COA8: variants seen among roughly 807,000 people sequenced by gnomAD.
The protein encoded by COA8 is UPF0671 protein C14orf153.
In COA8, 20 loss-of-function variants were observed where a neutral mutation model predicts 22.0. The observed-to-expected ratio is 0.91, with a 90% CI of 0.64 to 1.32. The LOEUF (loss-of-function observed/expected upper bound fraction) is 1.32. COA8 is among the 40% of genes most tolerant of loss of function. The probability of loss-of-function intolerance (pLI) is 0.00; values close to 1 mark genes in which losing one functional copy is unlikely to be tolerated. For synonymous variants in COA8, 105 were observed against 79.9 expected (o/e 1.31, Z -1.68); for missense variants, 266 against 230.0 (o/e 1.16, Z -1.01).
intron 3 of COA8, among the ~76,000 whole-genome samples, chr14:103,575,151 C>T (rs534708274): frequency 1.1e-4 from 17 of 152,358 alleles, no homozygotes; most frequent in African/African-American, 3.8e-4. Flanking sequence ...TGTGTGCGTA[C>T]GTGCACGTGT....
chr14:103,568,770 C>G (rs2076157415), intron 1 of COA8, among the ~76,000 whole-genome samples: 1 of 151,888 alleles, frequency 6.6e-6, no homozygotes, highest in South Asian at 2.1e-4. Context: ...GCTGGGATTA[C>G]AGGTGCACAC....
chr14:103,584,275 T>G (rs2076289534), intron 3 of COA8, among the ~76,000 whole-genome samples: 1 of 152,178 alleles, frequency 6.6e-6, no homozygotes, highest in Non-Finnish European at 1.5e-5. Context: ...GGAGGTCTCA[T>G]GAGGTAGGCA....
At chr14:103,582,710 A>C (rs939912628) in intron 3 of COA8, among the ~76,000 whole-genome samples, 1 of 146,870 alleles carries the variant, frequency 6.8e-6, no homozygotes, top group African/African-American at 2.6e-5. Context: ...TTTAGATACG[A>C]TTCACATACC....
intron 1 of COA8, chr14:103,563,487 C>G (rs2076109180): frequency 5.1e-6 from 2 of 392,412 alleles, no homozygotes; most frequent in Non-Finnish European, 9.7e-6. Flanking sequence ...TGTGTTTTGG[C>G]TTTGTTACAA....
At chr14:103,568,072 C>T (rs1025266583) in intron 1 of COA8, among the ~76,000 whole-genome samples, 3 of 152,172 alleles carry the variant, frequency 2.0e-5, no homozygotes, top group African/African-American at 7.2e-5. Flanking sequence ...GACTCCTTCT[C>T]AGATGGGAAC....
At chr14:103,564,102 G>C (rs2076115471) in intron 1 of COA8, among the ~76,000 whole-genome samples, 1 of 151,792 alleles carries the variant, frequency 6.6e-6, no homozygotes, top group East Asian at 1.9e-4. Context: ...GCTGTGAGTC[G>C]AGATCGCGCC....
At chr14:103,565,790 A>AT (rs2142273815) in intron 1 of COA8, among the ~76,000 whole-genome samples, 1 of 151,416 alleles carries the variant, frequency 6.6e-6, no homozygotes. Context: ...TAATTTTTGT[A>AT]TTTTTTGTAG....
intron 1 of COA8, among the ~76,000 whole-genome samples, chr14:103,568,163 C>T (rs1268594954): frequency 1.3e-5 from 2 of 152,114 alleles, no homozygotes; most frequent in East Asian, 3.8e-4. Flanking sequence ...TTCATTATTC[C>T]CTGGTGGTTT....
At chr14:103,567,098 C>T (rs962500781) in intron 1 of COA8, among the ~76,000 whole-genome samples, 2 of 151,994 alleles carry the variant, frequency 1.3e-5, no homozygotes, top group Non-Finnish European at 2.9e-5. Flanking sequence ...TTTGGCAGGG[C>T]GCGGTGGCTC....
chr14:103,584,151 G>A lies in COA8; in HGVS notation c.386-3123G>A, dbSNP rs1328859173. ...TCCTGGGCTCAAGCAACCCTCCCTC[G>A]GCCCCACAAAGCACTGGGATAACAG... On this transcript the variant is annotated intron_variant, in intron 3 of 4. Transcript: ENST00000409074. Among the ~76,000 whole-genome samples, 3 of 152,024 alleles carry A rather than the reference G, an allele frequency of 2.0e-5. No homozygotes were observed. In the East Asian group the frequency reaches 5.8e-4, roughly 29 times the overall value.
At chr14:103,579,591 C>T (rs1474465389) in intron 3 of COA8, 3 of 151,944 alleles carry the variant, frequency 2.0e-5, no homozygotes, top group African/African-American at 7.3e-5. Context: ...TCAGATGATC[C>T]ACCCACCTCG....
At position 103,571,825 on chromosome 14, in the gene COA8, G is replaced by T. The variant is rs765796396; in HGVS notation, c.321+5G>T. The T allele has an allele frequency of 6.2e-7, 1 of 1,612,922 alleles. No individual in the cohort carries two copies. Among genetic ancestry groups the T allele is most frequent in the Non-Finnish European group, 8.5e-7 (1 of 1,179,612 alleles). ...CAGAATTTGACTTTTAGTAAGGTAA[G>T]TTTAAGTTTTAGATCAGAACGGAAG... On this transcript the variant is annotated splice_donor_5th_base_variant and intron_variant, in intron 2 of 4. Transcript: ENST00000409074.
chr14:103,577,605 T>C (rs1235064320), intron 3 of COA8, among the ~76,000 whole-genome samples: 2 of 152,050 alleles, frequency 1.3e-5, no homozygotes, highest in Non-Finnish European at 2.9e-5. Context: ...AGAGCCAGGC[T>C]TGGTGGCTCA....
chr14:103,573,551 G>T (rs561276882), intron 2 of COA8, among the ~76,000 whole-genome samples: 74 of 151,306 alleles, frequency 4.9e-4, no homozygotes, highest in Middle Eastern at 3.4e-3. Flanking sequence ...GGTTTTTTTT[G>T]TTGTTGTTGT....
At chr14:103,572,442 C>T (rs1050829890) in intron 2 of COA8, among the ~76,000 whole-genome samples, 4 of 151,974 alleles carry the variant, frequency 2.6e-5, no homozygotes, top group Admixed American at 6.6e-5. Flanking sequence ...ATGAGAATAC[C>T]GGTTTTTTTA....
intron 1 of COA8, 130 bp downstream of exon 1, chr14:103,563,254 C>T: frequency 8.0e-7 from 1 of 1,244,454 alleles, no homozygotes; most frequent in African/African-American, 1.5e-5. Context: ...GCGTCCTATC[C>T]CGAACAGTCC....
intron 3 of COA8, among the ~76,000 whole-genome samples, chr14:103,577,184 C>A (rs544853279): frequency 5.8e-4 from 89 of 152,264 alleles, no homozygotes; most frequent in African/African-American, 2.1e-3. Flanking sequence ...ATTCTCCTGT[C>A]TCAGCCTTCC....
intron 3 of COA8, among the ~76,000 whole-genome samples, chr14:103,574,932 G>A (rs1396423342): frequency 6.6e-6 from 1 of 152,236 alleles, no homozygotes; most frequent in East Asian, 1.9e-4. Context: ...ATTTCCCACA[G>A]TGACCCAATG....
rs141823690 is a variant in COA8, at chr14:103,564,673, G to A, written c.123+1549G>A. On this transcript the variant is annotated intron_variant, in intron 1 of 4. Transcript: ENST00000409074. ...CAGCTCACTGCAACCTCTGCCTCCC[G>A]GGCTCAAGCGATTCTCGTGCCTCAG... 3.5e-4 allele frequency among the ~76,000 whole-genome samples: 50 copies of A among 144,024 alleles called. No individual in the cohort carries two copies. In the East Asian group the frequency reaches 9.2e-3, roughly 26 times the overall value. 94.5% of individuals were successfully genotyped at this position (144,024 alleles called of 152,430 possible).
Sources: gnomAD v4.1 joint callset for allele counts (sites outside exome capture counted in the v4.1 genomes callset) on GRCh38, gnomAD v4.1.1 for gene constraint, MANE v1.5 for transcripts, NCBI Gene and HGNC (gene_info 2026-07-23, HGNC 2026-07-21) for gene names.